GPR37: variants seen among roughly 807,000 people sequenced by gnomAD.
The protein encoded by GPR37 is prosaposin receptor GPR37.
GPR37 carries 20 observed loss-of-function variants against 43.6 expected under a neutral mutation model. The observed-to-expected ratio is 0.46, with a 90% CI of 0.32 to 0.67. GPR37 has a LOEUF of 0.67. Ranked by LOEUF, GPR37 falls within the 30% of genes least tolerant of loss-of-function variation. The probability of loss-of-function intolerance (pLI) is 0.03; values close to 1 mark genes in which losing one functional copy is unlikely to be tolerated. For missense variants in GPR37, 724 were observed against 797.2 expected, an observed-to-expected ratio of 0.91 and a Z score of 1.11; for synonymous variants, 315 against 322.6, an observed-to-expected ratio of 0.98 and a Z score of 0.25.
intron 1 of GPR37, among the ~76,000 whole-genome samples, chr7:124,760,007 T>G (rs979508951): frequency 6.6e-6 from 1 of 151,574 alleles, no homozygotes; most frequent in African/African-American, 2.4e-5. Flanking sequence ...AAAAGAAAAA[T>G]AAAGCAAAAG....
intron 1 of GPR37, among the ~76,000 whole-genome samples, chr7:124,760,350 ATGTACT>A (rs933752232): frequency 1.3e-5 from 2 of 152,196 alleles, no homozygotes; most frequent in African/African-American, 4.8e-5. Flanking sequence ...AACAAATGTA[ATGTACT>A]TGTAATGTCC....
intron 1 of GPR37, among the ~76,000 whole-genome samples, chr7:124,749,997 G>T (rs7792880): frequency 6.6e-6 from 1 of 151,886 alleles, no homozygotes; most frequent in Non-Finnish European, 1.5e-5. Context: ...TTTGTTTTGC[G>T]TCTATGCTAG....
intron 1 of GPR37, among the ~76,000 whole-genome samples, chr7:124,763,726 A>G (rs1287889815): frequency 6.6e-6 from 1 of 152,210 alleles, no homozygotes; most frequent in Admixed American, 6.5e-5. Flanking sequence ...TTGTGAGATC[A>G]TCCTTTTTTT....
intron 1 of GPR37, among the ~76,000 whole-genome samples, chr7:124,748,276 A>G (rs1208807874): frequency 2.0e-5 from 3 of 151,964 alleles, no homozygotes; most frequent in Admixed American, 1.3e-4. Flanking sequence ...AAAAGGAGGG[A>G]AAAAAATGGC....
chr7:124,753,341 G>T (rs1437071380), intron 1 of GPR37, among the ~76,000 whole-genome samples: 3 of 151,960 alleles, frequency 2.0e-5, no homozygotes. Flanking sequence ...CCTAATTACA[G>T]TTAAGATGCA....
intron 1 of GPR37, among the ~76,000 whole-genome samples, chr7:124,754,744 ACCCATT>A (rs1395954550): frequency 6.6e-6 from 1 of 152,128 alleles, no homozygotes; most frequent in African/African-American, 2.4e-5. Flanking sequence ...TGTTAAGAAA[ACCCATT>A]CATTTGGGCT....
At chr7:124,752,490 A>C (rs986305163) in intron 1 of GPR37, among the ~76,000 whole-genome samples, 2 of 152,178 alleles carry the variant, frequency 1.3e-5, no homozygotes, top group Admixed American at 1.3e-4. Context: ...TCTACTAGGC[A>C]GAGAGGATTG....
chr7:124,760,407 A>G (rs910976932), intron 1 of GPR37, among the ~76,000 whole-genome samples: 3 of 152,184 alleles, frequency 2.0e-5, no homozygotes, highest in Non-Finnish European at 2.9e-5. Flanking sequence ...AGAACATAAA[A>G]TTTAACCTAT....
At chr7:124,756,291 AT>A (rs1482412485) in intron 1 of GPR37, among the ~76,000 whole-genome samples, 2 of 152,198 alleles carry the variant, frequency 1.3e-5, no homozygotes, top group African/African-American at 4.8e-5. Context: ...CCTAATAAGA[AT>A]GTCTCATTCT....
At chr7:124,756,145 A>G (rs997026039) in intron 1 of GPR37, among the ~76,000 whole-genome samples, 1 of 152,180 alleles carries the variant, frequency 6.6e-6, no homozygotes, top group African/African-American at 2.4e-5. Flanking sequence ...GGCTTATCAG[A>G]TGCTTTTCCG....
At chr7:124,755,149 A>G (rs1170665623) in intron 1 of GPR37, among the ~76,000 whole-genome samples, 1 of 151,990 alleles carries the variant, frequency 6.6e-6, no homozygotes, top group African/African-American at 2.4e-5. Flanking sequence ...CTGCTTGTGC[A>G]CTCTCTGGAA....
chr7:124,755,600 T>A (rs1384410615), intron 1 of GPR37, among the ~76,000 whole-genome samples: 1 of 152,182 alleles, frequency 6.6e-6, no homozygotes, highest in Non-Finnish European at 1.5e-5. Context: ...ACCTAACATG[T>A]TATAATTCCT....
At chr7:124,763,483 T>G (rs954209931) in intron 1 of GPR37, among the ~76,000 whole-genome samples, 5 of 152,198 alleles carry the variant, frequency 3.3e-5, no homozygotes, top group Non-Finnish European at 1.5e-5. Context: ...TTACTCCAAC[T>G]TTGCTGTTTA....
At chr7:124,760,257 T>A (rs1793836151) in intron 1 of GPR37, among the ~76,000 whole-genome samples, 1 of 151,988 alleles carries the variant, frequency 6.6e-6, no homozygotes, top group Non-Finnish European at 1.5e-5. Context: ...TTTAGAAATA[T>A]GAAAGTAGAC....
At chr7:124,762,297 GTTT>G (rs2116327480) in intron 1 of GPR37, among the ~76,000 whole-genome samples, 1 of 152,050 alleles carries the variant, frequency 6.6e-6, no homozygotes, top group Admixed American at 6.5e-5. Context: ...GAACTTTGGT[GTTT>G]TTATTTTTCT....
At position 124,764,352 on chromosome 7, in the gene GPR37, C is replaced by A. The variant is rs1489885968; in HGVS notation, c.625G>T (p.Gly209Trp). 4.3e-6 allele frequency: 7 copies of A among 1,613,132 alleles called. No homozygotes were observed. Among genetic ancestry groups the A allele is most frequent in the Non-Finnish European group, 5.9e-6 (7 of 1,179,940 alleles). Residue 209 changes from glycine to tryptophan, a missense_variant, in exon 1 of 2, where the codon GGG becomes TGG. Gly to Trp is a radical substitution (Grantham distance 184, BLOSUM62 -2). Around this residue, in one of 2 missense-constraint regions of GPR37, gnomAD observed 382 missense variants for 355.4 expected, o/e 1.07. Coordinates refer to ENST00000303921, the MANE Select transcript of GPR37 (RefSeq NM_005302.5). This position sits in a 1 kb window ranked among gnomAD's most constrained non-coding sequence, Gnocchi z 5.4. ...KTANGLAGHE[G>W]WTIALPGRAL... is the part of the protein sequence containing the mutation. Reference sequence around the variant, plus strand: ...CGGCCCGGGAGTGCAATTGTCCACCCTTCGTGCCCCGCCAGTCCATTGGCC... The same window carrying A: ...CGGCCCGGGAGTGCAATTGTCCACCATTCGTGCCCCGCCAGTCCATTGGCC...
In GPR37 at chr7:124,744,262, T is replaced by C. The variant is rs1257323425; in HGVS notation, c.*2263A>G. ...AACTGTTTGCAAGTTGATCTTCCTA[T>C]TGCAGAGCTGGGATACTATTTCTCC... On this transcript the variant is annotated 3_prime_UTR_variant, in exon 2 of 2. Coordinates refer to ENST00000303921, the MANE Select transcript of GPR37 (RefSeq NM_005302.5). 6.6e-6 allele frequency: 1 copy of C among 152,136 alleles called. No individual in the cohort carries two copies. Among genetic ancestry groups the C allele is most frequent in the African/African-American group, 2.4e-5 (1 of 41,428 alleles). The allele number at this position is 152,136 out of a possible 1,614,324, so 9.4% of individuals were successfully genotyped here. A position where few individuals can be genotyped will look rare whatever the true frequency, so the allele number is the denominator to read the frequency against.
At chr7:124,757,874 T>C (rs1793809022) in intron 1 of GPR37, among the ~76,000 whole-genome samples, 1 of 152,174 alleles carries the variant, frequency 6.6e-6, no homozygotes, top group Non-Finnish European at 1.5e-5. Flanking sequence ...AGGTAAACAT[T>C]TGATAAATCA....
rs1793907760 is a variant in GPR37 at position 124,765,294 on chromosome 7, T to G, written c.-318A>C. 3.4e-6 allele frequency: 1 copy of G among 297,864 alleles called. No individual in the cohort carries two copies. The highest frequency in any genetic ancestry group is 2.2e-5 in the African/African-American group (1 of 46,434). The allele number at this position is 297,864 out of a possible 1,614,324, so 18.5% of individuals were successfully genotyped here. On this transcript the variant is annotated 5_prime_UTR_variant, in exon 1 of 2. Transcript: ENST00000303921. Reference sequence around the variant, plus strand: ...AAAAGTTGCAATCAACACCTGACTGTTGATTACTGTTGAGACTCGGGGGAG... The same window carrying G: ...AAAAGTTGCAATCAACACCTGACTGGTGATTACTGTTGAGACTCGGGGGAG...
Sources: gnomAD v4.1 joint callset for allele counts (sites outside exome capture counted in the v4.1 genomes callset) on GRCh38, gnomAD v4.1.1 for gene constraint, gnomAD v4.1.1 regional missense constraint, Gnocchi (gnomAD v3.1) non-coding constraint, MANE v1.5 for transcripts, NCBI Gene and HGNC (gene_info 2026-07-23, HGNC 2026-07-21) for gene names.